The following NOS1AP variants were observed in gnomAD, a reference collection of about 807,000 sequenced individuals.
NOS1AP encodes the protein nitric oxide synthase 1 adaptor protein, also known as carboxyl-terminal PDZ ligand of neuronal nitric oxide synthase protein.
In NOS1AP, 21 loss-of-function variants were observed where a neutral mutation model predicts 56.2. The observed-to-expected ratio is 0.37, with a 90% CI of 0.26 to 0.54. The LOEUF (loss-of-function observed/expected upper bound fraction) is 0.54, where lower values mean the gene tolerates loss of function less well. Among genes scored for constraint, NOS1AP ranks in the 20% least tolerant of loss-of-function variants. NOS1AP has a pLI of 0.84. For synonymous variants in NOS1AP, 270 were observed against 274.6 expected, an observed-to-expected ratio of 0.98 and a Z score of 0.17; for missense variants, 522 against 657.8, an observed-to-expected ratio of 0.79 and a Z score of 2.26.
In NOS1AP at chr1:162,211,328, C is replaced by G. The variant is rs115370203; in HGVS notation, c.177+56852C>G. ...CTCTTTGGGTTGCAGATGATTCTTG[C>G]TACGTCCTCACATAGCCATTCCTTA... is the stretch of plus-strand genomic sequence containing the variant. On this transcript the variant is annotated intron_variant, in intron 2 of 9. Coordinates refer to ENST00000361897, the MANE Select transcript of NOS1AP (RefSeq NM_014697.3). Among the ~76,000 whole-genome samples, 423 of 152,294 alleles carry G rather than the reference C, an allele frequency of 2.8e-3. 2 individuals carry two copies. Among genetic ancestry groups the G allele is most frequent in the African/African-American group, 9.8e-3 (406 of 41,564 alleles).
intron 2 of NOS1AP, among the ~76,000 whole-genome samples, chr1:162,186,598 A>G (rs1346091534): frequency 6.6e-6 from 1 of 152,100 alleles, no homozygotes; most frequent in African/African-American, 2.4e-5. Flanking sequence ...TTAGGTCATG[A>G]GGGTGGGGCC....
chr1:162,367,007 C>A lies in NOS1AP; in HGVS notation c.1106-45C>A. The A allele has an allele frequency of 6.2e-7, 1 of 1,612,016 alleles. No individual in the cohort carries two copies. The highest frequency in any genetic ancestry group is 1.3e-5 in the African/African-American group (1 of 75,046). On this transcript the variant is annotated intron_variant, in intron 9 of 9. Transcript: ENST00000361897. The surrounding 1 kb of genome is among the most constrained non-coding windows in gnomAD (Gnocchi z 6.5). ...GAAGGCGGGCATCCCAAATCAACAA[C>A]CTTGCCTAACGCTGCCCCTCTGCTA...
chr1:162,306,436 A>T (rs1052184237), intron 4 of NOS1AP, among the ~76,000 whole-genome samples: 4 of 152,160 alleles, frequency 2.6e-5, no homozygotes, highest in East Asian at 1.9e-4. Context: ...AGCTATTATG[A>T]CCTCCAGCAC....
At chr1:162,217,267 C>CTTTTTTTTGTTTTTTTTTTTTTTTT (rs1652605124) in intron 2 of NOS1AP, among the ~76,000 whole-genome samples, 1 of 68,368 alleles carries the variant, frequency 1.5e-5, no homozygotes, top group Admixed American at 2.2e-4. Context: ...CTGTTGTTAG[C>CTTTTTTTTGTTTTTTTTTTTTTTTT]TTTTTTTTTT....
intron 1 of NOS1AP, among the ~76,000 whole-genome samples, chr1:162,125,154 G>A (rs1306498415): frequency 2.6e-5 from 3 of 113,390 alleles, no homozygotes; most frequent in Admixed American, 1.9e-4. Flanking sequence ...TTTTTTTTAA[G>A]ACGGAGTCTC....
chr1:162,183,984 G>A (rs1267414919), intron 2 of NOS1AP, among the ~76,000 whole-genome samples: 1 of 152,110 alleles, frequency 6.6e-6, no homozygotes, highest in African/African-American at 2.4e-5. Flanking sequence ...CCTAGCTTTC[G>A]GCCTATCTCA....
intron 6 of NOS1AP, 103 bp from the exon 7 acceptor site, chr1:162,355,084 G>T: frequency 7.8e-7 from 1 of 1,290,024 alleles, no homozygotes; most frequent in South Asian, 1.2e-5. Flanking sequence ...AAAGCCAGTG[G>T]CATCCCTAGG....
At chr1:162,289,463 ACTTTT>A (rs1466711872) in intron 3 of NOS1AP, among the ~76,000 whole-genome samples, 19,723 of 81,256 alleles carry the variant, frequency 0.24, 4,386 homozygotes, top group East Asian at 0.67. Flanking sequence ...ACGCCCAGCT[ACTTTT>A]CTTTTTTTTT....
intron 2 of NOS1AP, among the ~76,000 whole-genome samples, chr1:162,236,242 T>C (rs1288445447): frequency 6.6e-6 from 1 of 152,214 alleles, no homozygotes. Flanking sequence ...GCTGTCCAAC[T>C]TTCTAATACC....
In NOS1AP at chr1:162,159,313, C is replaced by T. The variant is rs568860118; in HGVS notation, c.177+4837C>T. 9.9e-5 allele frequency among the ~76,000 whole-genome samples: 15 copies of T among 152,276 alleles called. No homozygotes were observed. In the South Asian group the frequency reaches 2.9e-3, roughly 29 times the overall value. On this transcript the variant is annotated intron_variant, in intron 2 of 9. Coordinates refer to ENST00000361897, the MANE Select transcript of NOS1AP (RefSeq NM_014697.3). ...GGTGAGGCATGTAACTGCTGTTAATCTCAGTTTCCTCATTTATAAAAGGCA... is the reference window on the plus strand; with the variant it reads ...GGTGAGGCATGTAACTGCTGTTAATTTCAGTTTCCTCATTTATAAAAGGCA...
intron 2 of NOS1AP, among the ~76,000 whole-genome samples, chr1:162,186,592 G>T (rs893666775): frequency 6.6e-6 from 1 of 152,100 alleles, no homozygotes; most frequent in African/African-American, 2.4e-5. Context: ...CTTGGATTAG[G>T]TCATGAGGGT....
chr1:162,346,877 G>A (rs548786943), intron 6 of NOS1AP, among the ~76,000 whole-genome samples: 1 of 152,274 alleles, frequency 6.6e-6, no homozygotes, highest in East Asian at 1.9e-4. Flanking sequence ...TTATCACACA[G>A]ACGGAGCCTT....
intron 2 of NOS1AP, among the ~76,000 whole-genome samples, chr1:162,208,490 A>G (rs1430443543): frequency 6.6e-6 from 1 of 152,126 alleles, no homozygotes; most frequent in East Asian, 1.9e-4. Flanking sequence ...TGGATCACCT[A>G]CTTTAGGGTT....
intron 2 of NOS1AP, among the ~76,000 whole-genome samples, chr1:162,224,118 T>G (rs1652870234): frequency 6.6e-6 from 1 of 152,086 alleles, no homozygotes; most frequent in African/African-American, 2.4e-5. Flanking sequence ...TTAACAAATT[T>G]TGCAGTCCTA....
chr1:162,157,523 C>G (rs934671126), intron 2 of NOS1AP, among the ~76,000 whole-genome samples: 3 of 152,192 alleles, frequency 2.0e-5, no homozygotes, highest in Non-Finnish European at 4.4e-5. Flanking sequence ...TAGAACGGTG[C>G]CAGGCTAACA....
At chr1:162,320,456 G>C (rs1656374945) in intron 4 of NOS1AP, among the ~76,000 whole-genome samples, 1 of 152,168 alleles carries the variant, frequency 6.6e-6, no homozygotes, top group African/African-American at 2.4e-5. Flanking sequence ...TCGTTTGCTT[G>C]AAAGCAAAAG....
chr1:162,195,940 C>G (rs988147320), intron 2 of NOS1AP, among the ~76,000 whole-genome samples: 4 of 152,142 alleles, frequency 2.6e-5, no homozygotes, highest in Non-Finnish European at 5.9e-5. Context: ...GGGCCAGGTA[C>G]ATAATTGGCT....
At chr1:162,331,933 C>T (rs530532493) in intron 4 of NOS1AP, among the ~76,000 whole-genome samples, 1 of 152,312 alleles carries the variant, frequency 6.6e-6, no homozygotes, top group South Asian at 2.1e-4. Flanking sequence ...CCTCTGCCCA[C>T]CCCAAGCAGC....
chr1:162,264,938 C>T (rs1571173725), intron 2 of NOS1AP, among the ~76,000 whole-genome samples: 1 of 151,988 alleles, frequency 6.6e-6, no homozygotes, highest in African/African-American at 2.4e-5. Context: ...CTCAGCCTCC[C>T]GAGTAGCTGG....
Sources: gnomAD v4.1 joint callset for allele counts (sites outside exome capture counted in the v4.1 genomes callset) on GRCh38, gnomAD v4.1.1 for gene constraint, Gnocchi (gnomAD v3.1) non-coding constraint, MANE v1.5 for transcripts, NCBI Gene and HGNC (gene_info 2026-07-23, HGNC 2026-07-21) for gene names.